The following SEMA3D variants were observed in gnomAD, a reference collection of about 807,000 sequenced individuals.
SEMA3D encodes the protein semaphorin 3D.
A neutral mutation model predicts 100.1 loss-of-function variants in SEMA3D; 84 were observed. The ratio of observed to expected loss-of-function variants is 0.84; its 90% CI spans 0.70 to 1.01. SEMA3D has a LOEUF of 1.01. SEMA3D is among the 50% of genes least tolerant of loss of function. The probability of loss-of-function intolerance (pLI) is 0.00; values close to 1 mark genes in which losing one functional copy is unlikely to be tolerated. For missense variants in SEMA3D, 875 were observed against 934.1 expected, an observed-to-expected ratio of 0.94 and a Z score of 0.82; for synonymous variants, 312 against 320.7, an observed-to-expected ratio of 0.97 and a Z score of 0.29.
At chr7:85,248,766 G>C in the SEMA3D span, among the ~76,000 whole-genome samples, 27 of 152,060 alleles carry the variant, frequency 1.8e-4, no homozygotes, top group South Asian at 2.5e-3. Flanking sequence ...TCATATTCTG[G>C]AAAGGGCATA....
upstream of SEMA3D, among the ~76,000 whole-genome samples, chr7:85,187,159 G>C (rs947748831): frequency 6.6e-6 from 1 of 151,936 alleles, no homozygotes; most frequent in African/African-American, 2.4e-5. Context: ...ACTCCCAAGC[G>C]TGCAGAAGTT....
At chr7:85,047,150 A>G (rs1283144319) in intron 9 of SEMA3D, among the ~76,000 whole-genome samples, 1 of 151,840 alleles carries the variant, frequency 6.6e-6, no homozygotes, top group Non-Finnish European at 1.5e-5. Context: ...TAAAATGATT[A>G]ATTAAAAAAA....
At chr7:85,152,238 G>T (rs1435546331) in intron 2 of SEMA3D, among the ~76,000 whole-genome samples, 1 of 152,042 alleles carries the variant, frequency 6.6e-6, no homozygotes, top group Non-Finnish European at 1.5e-5. Flanking sequence ...AGTAATGAAT[G>T]AATTACCTCT....
At chr7:85,105,397 C>T (rs1788886672) in intron 3 of SEMA3D, among the ~76,000 whole-genome samples, 1 of 152,008 alleles carries the variant, frequency 6.6e-6, no homozygotes, top group African/African-American at 2.4e-5. Flanking sequence ...ATCAGCTGAC[C>T]TCCAATATGC....
intron 5 of SEMA3D, among the ~76,000 whole-genome samples, chr7:85,076,500 A>G (rs763458230): frequency 1.3e-3 from 195 of 152,174 alleles, no homozygotes; most frequent in Non-Finnish European, 2.2e-3. Flanking sequence ...AGATAATAGC[A>G]AAATAGAAGT....
intron 2 of SEMA3D, among the ~76,000 whole-genome samples, chr7:85,125,783 C>CGTGTGT (rs79570607): frequency 1.8e-5 from 2 of 113,808 alleles, no homozygotes; most frequent in Non-Finnish European, 4.2e-5. Flanking sequence ...TTGCTGTCTT[C>CGTGTGT]GTGTGTGTGT....
chr7:85,230,138 C>G, the SEMA3D span, among the ~76,000 whole-genome samples: 1 of 152,134 alleles, frequency 6.6e-6, no homozygotes, highest in Non-Finnish European at 1.5e-5. Context: ...CTCTCCTTTT[C>G]ACATTGTTCA....
chr7:85,082,931 A>G (rs1788106913), intron 4 of SEMA3D, among the ~76,000 whole-genome samples: 1 of 152,222 alleles, frequency 6.6e-6, no homozygotes, highest in Non-Finnish European at 1.5e-5. Context: ...AATGCCGACT[A>G]GAAAATGCTA....
chr7:85,013,440 A>C (rs945861715), intron 16 of SEMA3D, among the ~76,000 whole-genome samples: 4 of 151,656 alleles, frequency 2.6e-5, no homozygotes, highest in Non-Finnish European at 4.4e-5. Context: ...TTATGATCAT[A>C]ATAATAATAA....
intron 2 of SEMA3D, among the ~76,000 whole-genome samples, chr7:85,128,912 G>C (rs1789641745): frequency 8.4e-6 from 1 of 118,924 alleles, no homozygotes; most frequent in Non-Finnish European, 1.6e-5. Context: ...TTTAGAGATA[G>C]ATAGGGTCTC....
At chr7:85,014,105 A>ATAG (rs1790031577) in intron 16 of SEMA3D, among the ~76,000 whole-genome samples, 1 of 151,826 alleles carries the variant, frequency 6.6e-6, no homozygotes, top group Non-Finnish European at 1.5e-5. Flanking sequence ...CTGTTGAACT[A>ATAG]TACATTCAAT....
intron 3 of SEMA3D, among the ~76,000 whole-genome samples, chr7:85,111,546 T>C (rs1187991218): frequency 6.6e-6 from 1 of 152,086 alleles, no homozygotes; most frequent in Non-Finnish European, 1.5e-5. Context: ...TCCACTCCTA[T>C]CACTTTGTGC....
chr7:85,168,929 G>A (rs570034646), intron 1 of SEMA3D, among the ~76,000 whole-genome samples: 1 of 151,514 alleles, frequency 6.6e-6, no homozygotes, highest in Non-Finnish European at 1.5e-5. Flanking sequence ...TGTTGGGGCA[G>A]GGGAAGGAAT....
the SEMA3D span, among the ~76,000 whole-genome samples, chr7:85,249,687 T>A: frequency 1.1e-4 from 17 of 152,328 alleles, 1 homozygote; most frequent in African/African-American, 3.8e-4. Context: ...ATATGTGGTG[T>A]TAATCAGAAC....
upstream of SEMA3D, among the ~76,000 whole-genome samples, chr7:85,191,391 T>TA (rs1430765517): frequency 1.0e-4 from 2 of 19,132 alleles, no homozygotes; most frequent in Admixed American, 1.1e-3. Context: ...ATGCACAATA[T>TA]AAAAAATCAT....
intron 2 of SEMA3D, chr7:85,142,111 A>T: frequency 2.0e-6 from 2 of 984,720 alleles, no homozygotes; most frequent in Non-Finnish European, 2.4e-6. Flanking sequence ...GTTTTGATGT[A>T]TTAAAATTTC....
intron 1 of SEMA3D, among the ~76,000 whole-genome samples, chr7:85,177,361 T>C (rs1791265801): frequency 2.0e-5 from 3 of 152,282 alleles, no homozygotes; most frequent in Admixed American, 1.3e-4. Flanking sequence ...AGTCATGGTA[T>C]ATATATTATA....
chr7:85,015,151 A>G lies in SEMA3D; in HGVS notation c.1611T>C (p.Tyr537=), dbSNP rs149512713. ...VQLSLHRCDT[Y]GKACADCCLA... ...GACAACAGTCTGCGCAAGCTTTCCCATAAGTGTCGCATCTGTGCAAGGAGA... is the reference window on the plus strand; with the variant it reads ...GACAACAGTCTGCGCAAGCTTTCCCGTAAGTGTCGCATCTGTGCAAGGAGA... Residue 537 remains tyrosine, a synonymous_variant, in exon 16 of 19, where the codon TAT becomes TAC. Transcript: ENST00000284136. The G allele has an allele frequency of 3.0e-4, 482 of 1,611,914 alleles. No homozygotes were observed. Among genetic ancestry groups the G allele is most frequent in the South Asian group, 8.7e-4 (79 of 91,018 alleles).
chr7:85,204,096 C>A, the SEMA3D span, among the ~76,000 whole-genome samples: 1 of 151,198 alleles, frequency 6.6e-6, no homozygotes, highest in Non-Finnish European at 1.5e-5. Flanking sequence ...TTTTATATTA[C>A]TAATTTATAA....
Sources: allele counts gnomAD v4.1 joint callset (sites outside exome capture counted in the v4.1 genomes callset), GRCh38; gene constraint gnomAD v4.1.1; transcripts MANE v1.5; gene names NCBI Gene and HGNC (gene_info 2026-07-23, HGNC 2026-07-21).